Variants in PTPRM observed in about 807,000 individuals in gnomAD.
PTPRM encodes the protein receptor-type tyrosine-protein phosphatase mu.
PTPRM carries 47 observed loss-of-function variants against 186.7 expected under a neutral mutation model. That is an observed-to-expected ratio of 0.25 (90% CI 0.20 to 0.32). The LOEUF (loss-of-function observed/expected upper bound fraction) is 0.32, where lower values mean the gene tolerates loss of function less well. PTPRM is among the 10% of genes least tolerant of loss of function. The probability of loss-of-function intolerance (pLI) is 1.00; values close to 1 mark genes in which losing one functional copy is unlikely to be tolerated. For synonymous variants in PTPRM, 668 were observed against 674.9 expected, an observed-to-expected ratio of 0.99 and a Z score of 0.16; for missense variants, 1,494 against 1,865.0, an observed-to-expected ratio of 0.80 and a Z score of 3.66.
chr18:7,911,775 G>T (rs958528645), intron 4 of PTPRM, among the ~76,000 whole-genome samples: 24 of 149,912 alleles, frequency 1.6e-4, no homozygotes, highest in Non-Finnish European at 3.1e-4. Flanking sequence ...AAAACTATTT[G>T]GAGTTGTAGC....
At chr18:7,640,862 C>G (rs1427470257) in intron 1 of PTPRM, among the ~76,000 whole-genome samples, 1 of 152,054 alleles carries the variant, frequency 6.6e-6, no homozygotes, top group African/African-American at 2.4e-5. Context: ...TTAGAGCACC[C>G]TGAAGTTGGG....
chr18:7,864,436 C>G (rs906337825), intron 2 of PTPRM, among the ~76,000 whole-genome samples: 5 of 152,188 alleles, frequency 3.3e-5, no homozygotes, highest in African/African-American at 4.8e-5. Flanking sequence ...TTCCCCAACA[C>G]CATTTATTAA....
intron 6 of PTPRM, among the ~76,000 whole-genome samples, chr18:7,949,845 A>G (rs980223108): frequency 6.6e-6 from 1 of 152,202 alleles, no homozygotes; most frequent in Admixed American, 6.5e-5. Context: ...TATATTTTGC[A>G]TGACTGAAAA....
intron 2 of PTPRM, among the ~76,000 whole-genome samples, chr18:7,778,917 C>G (rs1177290351): frequency 6.6e-6 from 1 of 152,126 alleles, no homozygotes; most frequent in African/African-American, 2.4e-5. Flanking sequence ...CTATAATTAT[C>G]ACATAGATTA....
At chr18:7,694,445 T>TTTC (rs1555653075) in intron 1 of PTPRM, among the ~76,000 whole-genome samples, 1 of 149,940 alleles carries the variant, frequency 6.7e-6, no homozygotes. Flanking sequence ...TTTTTTTTTT[T>TTTC]CGACAGAGTC....
At chr18:8,127,774 A>G (rs1044406010) in intron 13 of PTPRM, among the ~76,000 whole-genome samples, 3 of 152,064 alleles carry the variant, frequency 2.0e-5, no homozygotes, top group Non-Finnish European at 2.9e-5. Flanking sequence ...TCACTCATTC[A>G]TTGTTTCCAT....
At chr18:8,257,786 T>G (rs562974155) in intron 19 of PTPRM, among the ~76,000 whole-genome samples, 1 of 152,354 alleles carries the variant, frequency 6.6e-6, no homozygotes, top group South Asian at 2.1e-4. Context: ...TTGTAAAATT[T>G]TTTTGAAGTA....
intron 1 of PTPRM, among the ~76,000 whole-genome samples, chr18:7,678,295 T>G (rs1474857675): frequency 6.6e-6 from 1 of 152,166 alleles, no homozygotes; most frequent in Non-Finnish European, 1.5e-5. Flanking sequence ...AGGGCTCCTG[T>G]TGACACCTAT....
At chr18:8,168,506 C>A (rs2093354541) in intron 14 of PTPRM, among the ~76,000 whole-genome samples, 1 of 152,184 alleles carries the variant, frequency 6.6e-6, no homozygotes, top group Non-Finnish European at 1.5e-5. Context: ...CTCTCACTAG[C>A]AAATTTGCTA....
chr18:7,596,011 T>G (rs185221791), intron 1 of PTPRM, among the ~76,000 whole-genome samples: 1 of 152,270 alleles, frequency 6.6e-6, no homozygotes, highest in Admixed American at 6.5e-5. Flanking sequence ...ATCGAAAAAG[T>G]ATTGGTAAGG....
chr18:8,237,448 TTTTTTTTTTTTTTTC>T (rs1568575445), intron 14 of PTPRM, among the ~76,000 whole-genome samples: 2 of 119,154 alleles, frequency 1.7e-5, no homozygotes, highest in South Asian at 2.7e-4. Context: ...TTTTTTTTTT[TTTTTTTTTTTTTTTC>T]CTGAGACAGA....
intron 20 of PTPRM, among the ~76,000 whole-genome samples, chr18:8,312,514 A>G (rs558384954): frequency 2.6e-5 from 4 of 152,242 alleles, no homozygotes; most frequent in African/African-American, 9.6e-5. Flanking sequence ...GCCCATGACA[A>G]TAATAACTGA....
At position 8,153,891 on chromosome 18, in the gene PTPRM, T is replaced by G. The variant is rs1239112344; in HGVS notation, c.2300+10112T>G. 2.0e-5 allele frequency among the ~76,000 whole-genome samples: 3 copies of G among 152,198 alleles called. No individual in the cohort carries two copies. The East Asian group carries it at 5.8e-4, about 29-fold the overall frequency. Reference sequence around the variant, plus strand: ...GATTCTGAACTTCTCTGGCCCTAGTTTCCTCTTTTGTAAGTTGAGAAAACT... The same window carrying G: ...GATTCTGAACTTCTCTGGCCCTAGTGTCCTCTTTTGTAAGTTGAGAAAACT... On this transcript the variant is annotated intron_variant, in intron 14 of 32. Transcript: ENST00000580170.
intron 14 of PTPRM, among the ~76,000 whole-genome samples, chr18:8,235,456 CTTTTTTTT>C (rs58166609): frequency 9.8e-6 from 1 of 102,322 alleles, no homozygotes; most frequent in Non-Finnish European, 1.9e-5. Context: ...TCTGTGTCTT[CTTTTTTTT>C]TTTTTTTTTT....
intron 11 of PTPRM, among the ~76,000 whole-genome samples, chr18:8,107,678 A>G (rs2091583986): frequency 6.6e-6 from 1 of 152,240 alleles, no homozygotes; most frequent in Non-Finnish European, 1.5e-5. Flanking sequence ...ATTTCTGGCC[A>G]GTCTTGTCTA....
intron 1 of PTPRM, among the ~76,000 whole-genome samples, chr18:7,686,905 G>T (rs566713553): frequency 7.9e-5 from 12 of 152,276 alleles, no homozygotes; most frequent in South Asian, 6.2e-4. Context: ...ATAAAAAAGA[G>T]GCCAAAGTTA....
intron 9 of PTPRM, among the ~76,000 whole-genome samples, chr18:8,082,478 C>T (rs2090179887): frequency 6.8e-6 from 1 of 147,022 alleles, no homozygotes. Flanking sequence ...ACCCTCCCTC[C>T]CTCCCTCCTT....
chr18:7,842,565 C>T (rs1159190232), intron 2 of PTPRM, among the ~76,000 whole-genome samples: 2 of 152,026 alleles, frequency 1.3e-5, no homozygotes, highest in Non-Finnish European at 1.5e-5. Context: ...GATAAGTAGA[C>T]TTTGAGTAAA....
chr18:7,693,386 G>A (rs1356832679), intron 1 of PTPRM, among the ~76,000 whole-genome samples: 1 of 152,102 alleles, frequency 6.6e-6, no homozygotes, highest in Non-Finnish European at 1.5e-5. Flanking sequence ...GAATAGGATT[G>A]GAAACCAGAC....
Sources: gnomAD v4.1 joint callset for allele counts (sites outside exome capture counted in the v4.1 genomes callset) on GRCh38, gnomAD v4.1.1 for gene constraint, MANE v1.5 for transcripts, NCBI Gene and HGNC (gene_info 2026-07-23, HGNC 2026-07-21) for gene names.